The following SGCE variants were observed in gnomAD, a reference collection of about 807,000 sequenced individuals.
SGCE encodes the protein sarcoglycan epsilon, also known as epsilon-sarcoglycan.
Under a neutral mutation model 57.8 loss-of-function variants are expected in SGCE, and 26 were observed. The observed-to-expected ratio is 0.45, with a 90% confidence interval of 0.33 to 0.62. The LOEUF is 0.62. Ranked by LOEUF, SGCE falls within the 20% of genes least tolerant of loss-of-function variation. The pLI, the probability that SGCE is intolerant of heterozygous loss-of-function variation, is 0.02. For synonymous variants in SGCE, 183 were observed against 189.5 expected (o/e 0.97, Z 0.28); for missense variants, 468 against 548.6 (o/e 0.85, Z 1.47).
intron 1 of SGCE, among the ~76,000 whole-genome samples, chr7:94,655,775 A>AG (rs1249764168): frequency 3.4e-5 from 2 of 58,292 alleles, no homozygotes; most frequent in East Asian, 9.0e-4. Context: ...GGGCGCGGAG[A>AG]GGAAAAAAAG....
chr7:94,609,356 A>G (rs533828557), intron 5 of SGCE, among the ~76,000 whole-genome samples: 2 of 152,306 alleles, frequency 1.3e-5, no homozygotes, highest in Admixed American at 1.3e-4. Flanking sequence ...GCGAAACCCC[A>G]TCTCTACTGA....
chr7:94,625,475 T>C (rs550312318), intron 3 of SGCE: 1 of 152,166 alleles, frequency 6.6e-6, no homozygotes, highest in East Asian at 1.9e-4. Context: ...CCAGTACATG[T>C]GTTTCTCTCC....
chr7:94,619,063 C>A, intron 4 of SGCE, 107 bp from the exon 5 acceptor site: 1 of 807,008 alleles, frequency 1.2e-6, no homozygotes, highest in Admixed American at 1.8e-5. Flanking sequence ...ATCCTGGCAG[C>A]AGGAAGCAAT....
intron 1 of SGCE, among the ~76,000 whole-genome samples, chr7:94,648,926 A>G (rs537665631): frequency 6.6e-6 from 1 of 152,344 alleles, no homozygotes; most frequent in Non-Finnish European, 1.5e-5. Flanking sequence ...GCGAACCCCA[A>G]ATCTCCATAA....
At chr7:94,649,212 A>G (rs1807545168) in intron 1 of SGCE, among the ~76,000 whole-genome samples, 1 of 152,252 alleles carries the variant, frequency 6.6e-6, no homozygotes, top group African/African-American at 2.4e-5. Flanking sequence ...TTAAACTGCT[A>G]TTGCATAAAC....
intron 8 of SGCE, chr7:94,599,288 T>C: frequency 3.4e-6 from 1 of 291,472 alleles, no homozygotes; most frequent in East Asian, 7.3e-5. Flanking sequence ...CCATAGCTTT[T>C]ATATTTTTGC....
intron 1 of SGCE, among the ~76,000 whole-genome samples, chr7:94,649,196 A>C (rs2117091174): frequency 6.6e-6 from 1 of 152,376 alleles, no homozygotes; most frequent in Non-Finnish European, 1.5e-5. Flanking sequence ...AAATAATCAA[A>C]TGCACTTAAA....
chr7:94,643,445 T>G (rs776152145), intron 1 of SGCE, among the ~76,000 whole-genome samples: 1 of 152,206 alleles, frequency 6.6e-6, no homozygotes, highest in African/African-American at 2.4e-5. Context: ...GATATTGCTG[T>G]ATTTCAAGGC....
chr7:94,613,809 T>A (rs949896976), intron 5 of SGCE, among the ~76,000 whole-genome samples: 2 of 152,128 alleles, frequency 1.3e-5, no homozygotes, highest in African/African-American at 4.8e-5. Flanking sequence ...TGTCCATATA[T>A]GTTACATGTT....
chr7:94,599,937 A>G (rs1215364765), intron 7 of SGCE: 1 of 407,572 alleles, frequency 2.5e-6, no homozygotes, highest in Non-Finnish European at 4.3e-6. Context: ...AAAAATGAAA[A>G]AAATGGAGAT....
intron 10 of SGCE, chr7:94,588,134 T>G (rs1202927277): frequency 8.7e-7 from 1 of 1,146,794 alleles, no homozygotes; most frequent in African/African-American, 1.6e-5. Flanking sequence ...TAGGGACACT[T>G]GAAAGAAATA....
At chr7:94,586,904 T>C in intron 10 of SGCE, 1 of 984,790 alleles carries the variant, frequency 1.0e-6, no homozygotes, top group Non-Finnish European at 1.2e-6. Flanking sequence ...CTTAAGATAT[T>C]TTGGGGACTC....
intron 6 of SGCE, among the ~76,000 whole-genome samples, chr7:94,602,768 A>G (rs1460251296): frequency 2.6e-5 from 4 of 152,148 alleles, no homozygotes; most frequent in Non-Finnish European, 5.9e-5. Flanking sequence ...TGTGATTTGG[A>G]AAGAAATATT....
chr7:94,634,958 A>G (rs1407797522), intron 1 of SGCE, among the ~76,000 whole-genome samples: 1 of 152,222 alleles, frequency 6.6e-6, no homozygotes, highest in African/African-American at 2.4e-5. Flanking sequence ...CATATTCGAT[A>G]TGTGGGAAAT....
intron 1 of SGCE, among the ~76,000 whole-genome samples, chr7:94,642,221 C>G (rs1048280738): frequency 2.0e-5 from 3 of 152,136 alleles, no homozygotes; most frequent in African/African-American, 7.2e-5. Flanking sequence ...ATTTTATCTA[C>G]TAAATGACCA....
intron 4 of SGCE, chr7:94,619,566 A>G (rs62465756): frequency 0.062 from 9,432 of 152,314 alleles, 401 homozygotes; most frequent in East Asian, 0.13. Context: ...AGTAAATATA[A>G]TTTGTTACTC....
At chr7:94,646,787 T>TA (rs1328640295) in intron 1 of SGCE, among the ~76,000 whole-genome samples, 2 of 152,200 alleles carry the variant, frequency 1.3e-5, no homozygotes. Context: ...AAGTAACCTC[T>TA]AAAAAAGAAA....
At chr7:94,643,747 T>A (rs1806700504) in intron 1 of SGCE, among the ~76,000 whole-genome samples, 1 of 152,226 alleles carries the variant, frequency 6.6e-6, no homozygotes, top group Non-Finnish European at 1.5e-5. Flanking sequence ...TATAGAAAAG[T>A]ATTGTATTCT....
At chr7:94,635,634 G>A (rs1415104418) in intron 1 of SGCE, among the ~76,000 whole-genome samples, 3 of 152,156 alleles carry the variant, frequency 2.0e-5, no homozygotes, top group African/African-American at 7.2e-5. Context: ...TACATTTATG[G>A]ATTCCTTTCT....
Sources: allele counts gnomAD v4.1 joint callset (sites outside exome capture counted in the v4.1 genomes callset), GRCh38; gene constraint gnomAD v4.1.1; transcripts MANE v1.5; gene names NCBI Gene and HGNC (gene_info 2026-07-23, HGNC 2026-07-21).